SAMD3: variants seen among roughly 807,000 people sequenced by gnomAD.
SAMD3 encodes sterile alpha motif domain containing 3.
A neutral mutation model predicts 58.5 loss-of-function variants in SAMD3; 63 were observed. That is an observed-to-expected ratio of 1.08 (90% CI 0.88 to 1.33). The LOEUF is 1.33. SAMD3 is among the 40% of genes most tolerant of loss of function. The pLI is 0.00. For synonymous variants in SAMD3, 220 were observed against 210.3 expected, an observed-to-expected ratio of 1.05 and a Z score of -0.40; for missense variants, 604 against 608.4, an observed-to-expected ratio of 0.99 and a Z score of 0.08.
At chr6:130,246,070 C>T (rs1411305278) in intron 2 of SAMD3, among the ~76,000 whole-genome samples, 1 of 152,080 alleles carries the variant, frequency 6.6e-6, no homozygotes, top group Non-Finnish European at 1.5e-5. Context: ...TTGCAAGTAT[C>T]AGAAGCAATT....
At chr6:130,292,583 G>A (rs1189394076) in intron 2 of SAMD3, among the ~76,000 whole-genome samples, 7 of 151,270 alleles carry the variant, frequency 4.6e-5, no homozygotes, top group South Asian at 2.1e-4. Context: ...CACCATGCCC[G>A]GCCCGGAACA....
chr6:130,297,119 G>A (rs1220416677), intron 2 of SAMD3, among the ~76,000 whole-genome samples: 5 of 152,198 alleles, frequency 3.3e-5, no homozygotes, highest in African/African-American at 9.7e-5. Flanking sequence ...CTGCCAGACA[G>A]GCTAAGTGCT....
intron 2 of SAMD3, among the ~76,000 whole-genome samples, chr6:130,284,087 A>G (rs1403909405): frequency 6.6e-6 from 1 of 152,222 alleles, no homozygotes; most frequent in African/African-American, 2.4e-5. Context: ...TCCTGACTTC[A>G]AGTGATTTGC....
upstream of SAMD3, among the ~76,000 whole-genome samples, chr6:130,225,940 TC>T (rs147251316): frequency 0.043 from 6,601 of 152,316 alleles, 467 homozygotes; most frequent in African/African-American, 0.15. Flanking sequence ...TAATCCTGGC[TC>T]CATTGTCTTC....
chr6:130,260,541 C>T (rs577516470), intron 2 of SAMD3, among the ~76,000 whole-genome samples: 39 of 152,276 alleles, frequency 2.6e-4, no homozygotes, highest in South Asian at 1.2e-3. Flanking sequence ...CCAATGCTCC[C>T]GGCTGAATAA....
At chr6:130,259,751 TAGGA>T (rs1774054476) in intron 2 of SAMD3, among the ~76,000 whole-genome samples, 1 of 152,176 alleles carries the variant, frequency 6.6e-6, no homozygotes, top group Non-Finnish European at 1.5e-5. Context: ...TGCAAAGTTA[TAGGA>T]AGTAACACAG....
chr6:130,229,892 G>T (rs1796494975), intron 2 of SAMD3, among the ~76,000 whole-genome samples: 1 of 152,154 alleles, frequency 6.6e-6, no homozygotes, highest in South Asian at 2.1e-4. Context: ...ACAGTGACCA[G>T]TTTTAATGGC....
intron 9 of SAMD3, among the ~76,000 whole-genome samples, chr6:130,153,203 G>T: frequency 6.6e-6 from 1 of 152,106 alleles, no homozygotes; most frequent in Non-Finnish European, 1.5e-5. Flanking sequence ...ACTGTATTTT[G>T]CAGATGTGTC....
At chr6:130,180,320 G>T (rs1294851987) in intron 7 of SAMD3, among the ~76,000 whole-genome samples, 4 of 134,102 alleles carry the variant, frequency 3.0e-5, no homozygotes, top group African/African-American at 1.1e-4. Context: ...TTTTTTGTAG[G>T]GATGGGGTTT....
chr6:130,307,520 T>C (rs549635044), intron 2 of SAMD3, among the ~76,000 whole-genome samples: 46 of 152,318 alleles, frequency 3.0e-4, no homozygotes, highest in Non-Finnish European at 5.7e-4. Context: ...AATTAGAATA[T>C]TGATTTAAGA....
intron 1 of SAMD3, among the ~76,000 whole-genome samples, chr6:130,336,690 C>T (rs541493918): frequency 6.7e-4 from 102 of 152,206 alleles, no homozygotes; most frequent in African/African-American, 2.3e-3. Flanking sequence ...TTCTTTTGGT[C>T]CCTATGCTAG....
intron 2 of SAMD3, among the ~76,000 whole-genome samples, chr6:130,288,929 CTT>C (rs1180164810): frequency 2.0e-5 from 3 of 152,182 alleles, no homozygotes; most frequent in African/African-American, 7.2e-5. Flanking sequence ...CAGTATTGCT[CTT>C]TACTTTCTGC....
intron 1 of SAMD3, among the ~76,000 whole-genome samples, chr6:130,339,536 A>G (rs995039610): frequency 3.3e-5 from 5 of 152,132 alleles, no homozygotes; most frequent in African/African-American, 1.2e-4. Context: ...TTCTGCCACC[A>G]TGTAAGATGT....
intron 9 of SAMD3, among the ~76,000 whole-genome samples, chr6:130,153,662 A>ATATATT (rs1423735345): frequency 0.013 from 1,711 of 131,240 alleles, 64 homozygotes; most frequent in African/African-American, 0.045. Flanking sequence ...ATATATATAT[A>ATATATT]TATTTATTTA....
intron 5 of SAMD3, among the ~76,000 whole-genome samples, chr6:130,208,882 G>A (rs1006361272): frequency 6.6e-6 from 1 of 152,070 alleles, no homozygotes; most frequent in Non-Finnish European, 1.5e-5. Flanking sequence ...GTTGGGAACC[G>A]CTATTCTAGG....
intron 1 of SAMD3, among the ~76,000 whole-genome samples, chr6:130,320,495 A>C (rs1776549156): frequency 6.6e-6 from 1 of 152,222 alleles, no homozygotes; most frequent in Non-Finnish European, 1.5e-5. Context: ...CAGTTTTAAA[A>C]AAGATACATA....
chr6:130,192,599 C>A, intron 5 of SAMD3, among the ~76,000 whole-genome samples: 1 of 151,958 alleles, frequency 6.6e-6, no homozygotes, highest in Admixed American at 6.6e-5. Context: ...CCCACCCCAT[C>A]TCCCTTCGCT....
intron 9 of SAMD3, 107 bp from the exon 10 acceptor site, chr6:130,146,288 C>G: frequency 3.5e-6 from 2 of 572,366 alleles, no homozygotes; most frequent in Non-Finnish European, 5.5e-6. Flanking sequence ...CTGGTTTACA[C>G]TAAGTACTCA....
chr6:130,260,988 G>A lies in SAMD3; in HGVS notation c.-187-38175C>T, dbSNP rs144938256. ...TTGGTTTTGGTTTTGGTTTTGACTC[G>A]GTTTGAATTGCTTGACAGGACTGGT... On this transcript the variant is annotated intron_variant, in intron 2 of 13. Coordinates refer to the SAMD3 transcript ENST00000368134. Among the ~76,000 whole-genome samples the A allele has an allele frequency of 2.0e-3, 299 of 152,246 alleles. 3 individuals are homozygous for A. Among genetic ancestry groups the A allele is most frequent in the African/African-American group, 6.9e-3 (286 of 41,526 alleles).
Sources: allele counts gnomAD v4.1 joint callset (sites outside exome capture counted in the v4.1 genomes callset), GRCh38; gene constraint gnomAD v4.1.1; transcripts MANE v1.5; gene names NCBI Gene and HGNC (gene_info 2026-07-23, HGNC 2026-07-21).